Variants in CAPZB observed in about 807,000 individuals in gnomAD.
The protein encoded by CAPZB is F-actin-capping protein subunit beta.
In CAPZB, 2 loss-of-function variants were observed where a neutral mutation model predicts 38.1. The observed-to-expected ratio is 0.05, with a 90% CI of 0.02 to 0.17. The LOEUF (loss-of-function observed/expected upper bound fraction) is 0.17. Ranked by LOEUF, CAPZB falls within the 10% of genes least tolerant of loss-of-function variation. The pLI is 1.00. For synonymous variants in CAPZB, 107 were observed against 127.4 expected (o/e 0.84, Z 1.08); for missense variants, 161 against 334.2 (o/e 0.48, Z 4.04).
At chr1:19,442,872 C>T (rs746769948) in intron 1 of CAPZB, among the ~76,000 whole-genome samples, 1 of 152,272 alleles carries the variant, frequency 6.6e-6, no homozygotes, top group South Asian at 2.1e-4. Flanking sequence ...GCCTACTCCA[C>T]GTTACACAAA....
intron 1 of CAPZB, among the ~76,000 whole-genome samples, chr1:19,438,949 C>A (rs1470242347): frequency 1.3e-5 from 2 of 152,188 alleles, no homozygotes; most frequent in African/African-American, 4.8e-5. Flanking sequence ...AGATTAAATC[C>A]AGAGCAAGGG....
At chr1:19,452,507 T>C (rs1156228793) in intron 1 of CAPZB, among the ~76,000 whole-genome samples, 1 of 152,196 alleles carries the variant, frequency 6.6e-6, no homozygotes, top group Non-Finnish European at 1.5e-5. Context: ...GTCTGAGTTG[T>C]GGGCTGAGCT....
Position 19,448,655 on chromosome 1 carries a change from C to T in CAPZB, c.4-28905G>A, listed in dbSNP as rs138528102. ...CTGGTGACCAGACTAACTTTCCTCCCTACTTGGGCAAAAAGTTGTCACCTA... is the reference window on the plus strand; with the variant it reads ...CTGGTGACCAGACTAACTTTCCTCCTTACTTGGGCAAAAAGTTGTCACCTA... On this transcript the variant is annotated intron_variant, in intron 1 of 8. Coordinates refer to ENST00000264202, the MANE Select transcript of CAPZB (RefSeq NM_004930.5). Among the ~76,000 whole-genome samples, 514 of 152,312 alleles carry T rather than the reference C, an allele frequency of 3.4e-3. 2 individuals carry two copies. Among genetic ancestry groups the T allele is most frequent in the African/African-American group, 0.012 (491 of 41,554 alleles).
intron 4 of CAPZB, among the ~76,000 whole-genome samples, chr1:19,359,212 T>C (rs896518902): frequency 2.2e-5 from 1 of 44,882 alleles, no homozygotes. Context: ...TCTGTACTCT[T>C]TTTTTTTTTT....
intron 1 of CAPZB, among the ~76,000 whole-genome samples, chr1:19,445,120 G>A (rs2094491980): frequency 6.6e-6 from 1 of 152,150 alleles, no homozygotes; most frequent in Non-Finnish European, 1.5e-5. Flanking sequence ...AGCAAAAAGT[G>A]AAAACAGCCT....
At chr1:19,419,602 C>G in intron 2 of CAPZB, 59 bp downstream of exon 2, 1 of 1,007,120 alleles carries the variant, frequency 9.9e-7, no homozygotes, top group South Asian at 1.4e-5. Context: ...AAAAGCTACA[C>G]AAAAGCAACT....
chr1:19,473,432 T>C (rs568619334), intron 1 of CAPZB, among the ~76,000 whole-genome samples: 68 of 152,240 alleles, frequency 4.5e-4, no homozygotes, highest in African/African-American at 1.2e-3. Context: ...ATAAACCCCA[T>C]AAGCAGAAGT....
chr1:19,462,143 C>T (rs2094553751), intron 1 of CAPZB, among the ~76,000 whole-genome samples: 1 of 150,714 alleles, frequency 6.6e-6, no homozygotes, highest in African/African-American at 2.4e-5. Context: ...GGGCAAGATA[C>T]CCCATCTCTT....
chr1:19,420,025 C>A, intron 1 of CAPZB: 1 of 411,760 alleles, frequency 2.4e-6, no homozygotes, highest in Non-Finnish European at 4.4e-6. Context: ...GCTCCCTCAC[C>A]GGCTCCCCTG....
intron 1 of CAPZB, among the ~76,000 whole-genome samples, chr1:19,429,308 G>T (rs976956840): frequency 6.6e-6 from 1 of 151,922 alleles, no homozygotes; most frequent in Non-Finnish European, 1.5e-5. Flanking sequence ...AACTCTGAGA[G>T]AAGGAATAAA....
intron 1 of CAPZB, among the ~76,000 whole-genome samples, chr1:19,467,397 T>C (rs890585497): frequency 6.6e-6 from 1 of 152,052 alleles, no homozygotes; most frequent in Non-Finnish European, 1.5e-5. Flanking sequence ...CTCCAGCGGC[T>C]CAGCTCTTGC....
chr1:19,385,355 A>G (rs2094198324), intron 3 of CAPZB, 150 bp downstream of exon 3: 1 of 749,008 alleles, frequency 1.3e-6, no homozygotes, highest in Non-Finnish European at 2.2e-6. Flanking sequence ...GGACAAGAGA[A>G]GAAAGGAGAG....
intron 6 of CAPZB, among the ~76,000 whole-genome samples, chr1:19,354,655 G>T (rs1026444378): frequency 6.6e-6 from 1 of 152,376 alleles, no homozygotes; most frequent in Middle Eastern, 3.4e-3. Flanking sequence ...CACTGCTCAC[G>T]GCAAGCCGGA....
intron 2 of CAPZB, among the ~76,000 whole-genome samples, chr1:19,411,958 C>T (rs915735535): frequency 3.3e-5 from 5 of 152,150 alleles, no homozygotes; most frequent in South Asian, 2.1e-4. Context: ...GGGCAGGAAA[C>T]GCCAGCTTGG....
chr1:19,456,203 G>A (rs2100718968), intron 1 of CAPZB, among the ~76,000 whole-genome samples: 1 of 152,320 alleles, frequency 6.6e-6, no homozygotes, highest in South Asian at 2.1e-4. Flanking sequence ...TGAACCACCA[G>A]GCCCGGTCCA....
chr1:19,405,155 A>G (rs1313961684), intron 2 of CAPZB, among the ~76,000 whole-genome samples: 1 of 152,156 alleles, frequency 6.6e-6, no homozygotes, highest in Non-Finnish European at 1.5e-5. Context: ...CACACAGCCT[A>G]GAATGTCTAA....
chr1:19,471,215 G>A (rs781594116), intron 1 of CAPZB, among the ~76,000 whole-genome samples: 3 of 152,224 alleles, frequency 2.0e-5, no homozygotes, highest in Non-Finnish European at 2.9e-5. Flanking sequence ...GGTTGATGGC[G>A]GGTGACTGAA....
chr1:19,454,817 G>A (rs1292169565), intron 1 of CAPZB, among the ~76,000 whole-genome samples: 1 of 152,222 alleles, frequency 6.6e-6, no homozygotes, highest in Non-Finnish European at 1.5e-5. Context: ...ACCATTTCTG[G>A]GTGACACATC....
intron 1 of CAPZB, among the ~76,000 whole-genome samples, chr1:19,443,611 G>A (rs1343712387): frequency 2.0e-5 from 3 of 149,384 alleles, no homozygotes; most frequent in East Asian, 3.9e-4. Flanking sequence ...TTAAGTTATT[G>A]TTGTTGTTGT....
Sources: gnomAD v4.1 joint callset for allele counts (sites outside exome capture counted in the v4.1 genomes callset) on GRCh38, gnomAD v4.1.1 for gene constraint, MANE v1.5 for transcripts, NCBI Gene and HGNC (gene_info 2026-07-23, HGNC 2026-07-21) for gene names.